PDS5B: variants seen among roughly 807,000 people sequenced by gnomAD.
The protein encoded by PDS5B is PDS5 cohesin associated factor B.
A neutral mutation model predicts 184.1 loss-of-function variants in PDS5B; 51 were observed. The observed-to-expected ratio is 0.28, with a 90% CI of 0.22 to 0.35. The LOEUF is 0.35. Among genes scored for constraint, PDS5B ranks in the 10% least tolerant of loss-of-function variants. PDS5B has a pLI of 1.00. For synonymous variants in PDS5B, 566 were observed against 569.2 expected (o/e 0.99, Z 0.08); for missense variants, 1,180 against 1,723.3 (o/e 0.68, Z 5.58).
At chr13:32,676,113 A>G (rs1016535393) in intron 9 of PDS5B, among the ~76,000 whole-genome samples, 154 bp downstream of exon 9, 5 of 152,202 alleles carry the variant, frequency 3.3e-5, no homozygotes, top group African/African-American at 1.2e-4. Context: ...ATGACTGGCT[A>G]TATTTATATT....
intron 1 of PDS5B, among the ~76,000 whole-genome samples, chr13:32,647,439 T>C (rs1042043800): frequency 6.6e-6 from 1 of 151,916 alleles, no homozygotes; most frequent in South Asian, 2.1e-4. Context: ...CCTGGCTGAT[T>C]TTTGTATTTT....
intron 19 of PDS5B, among the ~76,000 whole-genome samples, chr13:32,725,253 A>G (rs1043392507): frequency 5.9e-5 from 9 of 152,174 alleles, no homozygotes; most frequent in African/African-American, 2.2e-4. Context: ...TGACCAGTTG[A>G]GTGTCGTTTT....
At position 32,758,333 on chromosome 13, in the gene PDS5B, A is replaced by T. The variant is rs560676925; in HGVS notation, c.3189+114A>T. On this transcript the variant is annotated intron_variant, in intron 27 of 34. Transcript: ENST00000315596. Reference sequence around the variant, plus strand: ...GCATCAAATAATTTTTTCTATTAGTAATTAGAATTACGTAGAATTAGCAGT... The same window carrying T: ...GCATCAAATAATTTTTTCTATTAGTTATTAGAATTACGTAGAATTAGCAGT... The T allele has an allele frequency of 4.9e-6, 5 of 1,012,546 alleles. 1 individual carries two copies. In the South Asian group the frequency reaches 1.0e-4, roughly 21 times the overall value. 62.7% of individuals were successfully genotyped at this position (1,012,546 alleles called of 1,614,324 possible).
At chr13:32,693,493 T>G (rs1951612158) in intron 13 of PDS5B, among the ~76,000 whole-genome samples, 1 of 151,788 alleles carries the variant, frequency 6.6e-6, no homozygotes, top group African/African-American at 2.4e-5. Context: ...GTGTTACTGC[T>G]TTTTGGCAGT....
At chr13:32,693,386 C>G (rs1951608981) in intron 13 of PDS5B, among the ~76,000 whole-genome samples, 1 of 151,682 alleles carries the variant, frequency 6.6e-6, no homozygotes, top group Non-Finnish European at 1.5e-5. Context: ...TTAAAAAATC[C>G]AAAGGCATTT....
rs773687699 is a variant in PDS5B, at chr13:32,707,016, A to C, written c.1939A>C (p.Arg647=). The change falls in exon 18 of 35, where the codon AGA becomes CGA. Residue 647 remains arginine, a synonymous_variant. Transcript: ENST00000315596. ...DEGVPTDQAI[R]AGLELLKVLS... Reference sequence around the variant, plus strand: ...GGGTGTTCCAACTGATCAAGCCATCAGAGCAGGTCTTGAACTGCTTAAGGT... The same window carrying C: ...GGGTGTTCCAACTGATCAAGCCATCCGAGCAGGTCTTGAACTGCTTAAGGT... 1 of 1,607,380 alleles carries C rather than the reference A, an allele frequency of 6.2e-7. No individual in the cohort carries two copies. Among genetic ancestry groups the C allele is most frequent in the South Asian group, 1.1e-5 (1 of 90,066 alleles).
chr13:32,672,040 A>G (rs1192663505), intron 7 of PDS5B, among the ~76,000 whole-genome samples: 1 of 152,180 alleles, frequency 6.6e-6, no homozygotes, highest in Non-Finnish European at 1.5e-5. Flanking sequence ...AGAGCTAGCT[A>G]TATGGTAGGG....
chr13:32,742,716 G>A lies in PDS5B; in HGVS notation c.2601G>A (p.Gln867=), dbSNP rs1378095404. Residue 867 remains glutamine (Q), a synonymous_variant, in exon 23 of 35, where the codon CAG becomes CAA. Transcript: ENST00000315596. ...ATAGTGATGGAGACTTGACAGAACA[G>A]GGGAAAATTAGGTATGCAATTACTA... The part of the protein sequence containing the change: ...ILHSDGDLTE[Q]GKISKPDMSR... 1 of 1,611,664 alleles carries A rather than the reference G, an allele frequency of 6.2e-7. No individual in the cohort carries two copies. The highest frequency in any genetic ancestry group is 8.5e-7 in the Non-Finnish European group (1 of 1,178,478).
At chr13:32,679,805 C>A (rs970815810) in intron 10 of PDS5B, among the ~76,000 whole-genome samples, 1 of 151,874 alleles carries the variant, frequency 6.6e-6, no homozygotes, top group African/African-American at 2.4e-5. Flanking sequence ...GACCTTAGGG[C>A]CATCCATTCT....
intron 33 of PDS5B, among the ~76,000 whole-genome samples, chr13:32,771,905 A>G (rs1053923919): frequency 6.6e-6 from 1 of 151,988 alleles, no homozygotes; most frequent in African/African-American, 2.4e-5. Flanking sequence ...CTAAAATTAC[A>G]CAAGTCCTAT....
intron 7 of PDS5B, 24 bp from the exon 8 acceptor site, chr13:32,673,192 A>C (rs1258171226): frequency 6.3e-7 from 1 of 1,599,148 alleles, no homozygotes; most frequent in African/African-American, 1.3e-5. Flanking sequence ...TCTACTAATG[A>C]TAGGCTTTCT....
intron 1 of PDS5B, among the ~76,000 whole-genome samples, chr13:32,640,327 A>T (rs180780417): frequency 6.6e-6 from 1 of 152,084 alleles, no homozygotes. Context: ...GCTCACTGCA[A>T]CCTCCACCTC....
chr13:32,602,106 ATTATACT>A (rs1024142991), intron 1 of PDS5B, among the ~76,000 whole-genome samples: 1 of 151,884 alleles, frequency 6.6e-6, no homozygotes, highest in Non-Finnish European at 1.5e-5. Flanking sequence ...TTTTTTTAAA[ATTATACT>A]TTAAGTGCTA....
intron 19 of PDS5B, among the ~76,000 whole-genome samples, chr13:32,728,378 C>T (rs376559620): frequency 4.6e-5 from 7 of 152,078 alleles, no homozygotes; most frequent in South Asian, 2.1e-4. Context: ...AGTAATTAAC[C>T]GCCCTGTTTG....
At chr13:32,655,375 T>TATATATATATATATATATATA (rs1555296358) in intron 3 of PDS5B, among the ~76,000 whole-genome samples, 25 of 50,884 alleles carry the variant, frequency 4.9e-4, no homozygotes, top group Middle Eastern at 9.8e-3. Flanking sequence ...TATATATATA[T>TATATATATATATATATATATA]TTTTTTTTTT....
rs77831803 is a variant in PDS5B, at chr13:32,613,497, G to C, written c.-20+26904G>C. On this transcript the variant is annotated intron_variant, in intron 1 of 34. Transcript: ENST00000315596. Reference sequence around the variant, plus strand: ...GCATTTCCTGATGATTAATGATGCTGAGCATCTTTTTATTTGTATATTGGC... The same window carrying C: ...GCATTTCCTGATGATTAATGATGCTCAGCATCTTTTTATTTGTATATTGGC... Among the ~76,000 whole-genome samples, 959 of 152,292 alleles carry C rather than the reference G, an allele frequency of 6.3e-3. 7 individuals carry two copies. Among genetic ancestry groups the C allele is most frequent in the African/African-American group, 0.022 (918 of 41,554 alleles).
At chr13:32,746,403 CCTGGCCACAA>C (rs749589733) in intron 24 of PDS5B, among the ~76,000 whole-genome samples, 44 of 152,158 alleles carry the variant, frequency 2.9e-4, no homozygotes, top group Non-Finnish European at 5.3e-4. Context: ...CCTTCAAGCC[CCTGGCCACAA>C]CATTTTCATC....
chr13:32,730,361 G>C (rs1258329191), intron 19 of PDS5B, among the ~76,000 whole-genome samples: 1 of 152,154 alleles, frequency 6.6e-6, no homozygotes, highest in Non-Finnish European at 1.5e-5. Flanking sequence ...TTGTAGTATA[G>C]TTTGAAGTCA....
intron 29 of PDS5B, 78 bp downstream of exon 29, chr13:32,759,768 T>A (rs1039819562): frequency 3.0e-6 from 2 of 662,858 alleles, no homozygotes; most frequent in East Asian, 2.7e-5. Flanking sequence ...TGTTATTTTG[T>A]ATTTCTTCAA....
Sources: gnomAD v4.1 joint callset for allele counts (sites outside exome capture counted in the v4.1 genomes callset) on GRCh38, gnomAD v4.1.1 for gene constraint, MANE v1.5 for transcripts, NCBI Gene and HGNC (gene_info 2026-07-23, HGNC 2026-07-21) for gene names.